The following PPP3CB variants were observed in gnomAD, a reference collection of about 807,000 sequenced individuals.
PPP3CB encodes protein phosphatase 3 catalytic subunit beta, also known as serine/threonine-protein phosphatase 2B catalytic subunit beta isoform.
In PPP3CB, 8 loss-of-function variants were observed where a neutral mutation model predicts 66.4. That is an observed-to-expected ratio of 0.12 (90% CI 0.07 to 0.22). The LOEUF is 0.22. Among genes scored for constraint, PPP3CB ranks in the 10% least tolerant of loss-of-function variants. The pLI is 1.00. For missense variants in PPP3CB, 319 were observed against 642.5 expected, an observed-to-expected ratio of 0.50 and a Z score of 5.44; for synonymous variants, 208 against 221.2, an observed-to-expected ratio of 0.94 and a Z score of 0.53.
At chr10:73,465,879 T>A (rs1251592571) in intron 9 of PPP3CB, among the ~76,000 whole-genome samples, 1 of 152,260 alleles carries the variant, frequency 6.6e-6, no homozygotes, top group African/African-American at 2.4e-5. Context: ...GCTAGAATTC[T>A]ATTTGCATGT....
chr10:73,464,181 G>A (rs2056578544), intron 9 of PPP3CB, among the ~76,000 whole-genome samples: 1 of 152,128 alleles, frequency 6.6e-6, no homozygotes, highest in Non-Finnish European at 1.5e-5. Flanking sequence ...ACCCACCTCA[G>A]CCTCCCAAAG....
At chr10:73,448,543 T>A (rs1185241878) in intron 10 of PPP3CB, 1 of 439,982 alleles carries the variant, frequency 2.3e-6, no homozygotes, top group Non-Finnish European at 4.7e-6. Flanking sequence ...TAAGCTAAAT[T>A]TGCACAAGGC....
intron 12 of PPP3CB, among the ~76,000 whole-genome samples, chr10:73,441,171 G>A (rs943316289): frequency 2.0e-5 from 3 of 152,218 alleles, no homozygotes; most frequent in Non-Finnish European, 1.5e-5. Context: ...AAAAGAAACT[G>A]ATGAATCTAA....
chr10:73,448,942 G>A (rs539632614), intron 10 of PPP3CB, among the ~76,000 whole-genome samples: 1 of 152,232 alleles, frequency 6.6e-6, no homozygotes, highest in East Asian at 1.9e-4. Flanking sequence ...AGAAATTATG[G>A]ACAGAATAAC....
chr10:73,495,722 C>CT, intron 1 of PPP3CB, 83 bp downstream of exon 1: 1 of 1,500,322 alleles, frequency 6.7e-7, no homozygotes, highest in East Asian at 3.0e-5. Context: ...TCCGGGCCCA[C>CT]TCCCGAGGGG....
At chr10:73,464,972 G>A (rs1337891751) in intron 9 of PPP3CB, among the ~76,000 whole-genome samples, 1 of 151,648 alleles carries the variant, frequency 6.6e-6, no homozygotes, top group Non-Finnish European at 1.5e-5. Flanking sequence ...ATTAATAAAT[G>A]TTTTTATTTG....
At chr10:73,455,437 T>C (rs973302595) in intron 9 of PPP3CB, among the ~76,000 whole-genome samples, 1 of 152,244 alleles carries the variant, frequency 6.6e-6, no homozygotes, top group Non-Finnish European at 1.5e-5. Flanking sequence ...TCCTATATGT[T>C]CAATCACTTG....
intron 8 of PPP3CB, 26 bp downstream of exon 8, chr10:73,470,661 A>G (rs1450596221): frequency 7.1e-7 from 1 of 1,409,652 alleles, no homozygotes; most frequent in Non-Finnish European, 9.7e-7. Flanking sequence ...GTTGTTTAAC[A>G]ATTTTTTTTA....
intron 9 of PPP3CB, among the ~76,000 whole-genome samples, chr10:73,458,524 G>C (rs957559765): frequency 1.3e-5 from 2 of 152,016 alleles, no homozygotes; most frequent in Non-Finnish European, 2.9e-5. Flanking sequence ...ATCCTCGGCT[G>C]GGTGTGGTAG....
intron 10 of PPP3CB, among the ~76,000 whole-genome samples, chr10:73,450,267 G>T (rs1254377632): frequency 6.6e-6 from 1 of 152,088 alleles, no homozygotes; most frequent in African/African-American, 2.4e-5. Flanking sequence ...TCCATAGAAT[G>T]GTTCACCGTT....
chr10:73,480,179 A>G (rs746901413), intron 1 of PPP3CB, among the ~76,000 whole-genome samples: 8 of 152,204 alleles, frequency 5.3e-5, no homozygotes, highest in Non-Finnish European at 1.2e-4. Context: ...ATGCAAATTA[A>G]TTTAGGAGGC....
At chr10:73,473,604 T>C (rs759517978) in intron 4 of PPP3CB, among the ~76,000 whole-genome samples, 1 of 151,900 alleles carries the variant, frequency 6.6e-6, no homozygotes, top group African/African-American at 2.4e-5. Flanking sequence ...TGAGCCGAGA[T>C]TGTACCACTG....
chr10:73,471,805 G>A (rs559577476), intron 4 of PPP3CB, among the ~76,000 whole-genome samples, 192 bp from the exon 5 acceptor site: 3 of 152,276 alleles, frequency 2.0e-5, no homozygotes, highest in South Asian at 4.1e-4. Context: ...CAGATGGCAA[G>A]AAAATTATAG....
intron 11 of PPP3CB, among the ~76,000 whole-genome samples, chr10:73,446,062 C>A (rs1321571377): frequency 1.3e-5 from 2 of 151,208 alleles, no homozygotes; most frequent in Non-Finnish European, 1.5e-5. Context: ...TAAGTAACTT[C>A]TTTATAGGAA....
At chr10:73,443,713 C>T (rs868390908) in intron 12 of PPP3CB, 1 of 152,116 alleles carries the variant, frequency 6.6e-6, no homozygotes, top group Admixed American at 6.5e-5. Context: ...AAAAAGTTAA[C>T]CCAGTATTTA....
At chr10:73,492,009 A>T (rs974176775) in intron 1 of PPP3CB, among the ~76,000 whole-genome samples, 2 of 152,062 alleles carry the variant, frequency 1.3e-5, no homozygotes, top group African/African-American at 4.8e-5. Context: ...AACAAAAAGT[A>T]ATCCTCCTAA....
At chr10:73,467,713 ATAAG>A (rs766107271) in intron 8 of PPP3CB, 35 bp from the exon 9 acceptor site, 14 of 1,473,702 alleles carry the variant, frequency 9.5e-6, no homozygotes, top group African/African-American at 1.4e-5. Flanking sequence ...AACTTAATAG[ATAAG>A]TAACTATTTG....
At chr10:73,440,250 T>C (rs1411224221) in intron 12 of PPP3CB, among the ~76,000 whole-genome samples, 1 of 152,224 alleles carries the variant, frequency 6.6e-6, no homozygotes, top group Admixed American at 6.5e-5. Flanking sequence ...ATGTTTATTA[T>C]ATCACATCCA....
chr10:73,482,678 C>T (rs984146644), intron 1 of PPP3CB, among the ~76,000 whole-genome samples: 2 of 150,792 alleles, frequency 1.3e-5, no homozygotes, highest in African/African-American at 2.4e-5. Flanking sequence ...AATGCAGTGG[C>T]GAGATCTCGG....
Sources: allele counts gnomAD v4.1 joint callset (sites outside exome capture counted in the v4.1 genomes callset), GRCh38; gene constraint gnomAD v4.1.1; transcripts MANE v1.5; gene names NCBI Gene and HGNC (gene_info 2026-07-23, HGNC 2026-07-21).